MYOM1: variants seen among roughly 807,000 people sequenced by gnomAD.
MYOM1 encodes the protein myomesin-1.
Under a neutral mutation model 205.3 loss-of-function variants are expected in MYOM1, and 164 were observed. The ratio of observed to expected loss-of-function variants is 0.80; its 90% CI spans 0.70 to 0.91. The LOEUF is 0.91. MYOM1 is among the 40% of genes least tolerant of loss of function. MYOM1 has a pLI of 0.00. For synonymous variants in MYOM1, 772 were observed against 789.4 expected (o/e 0.98, Z 0.37); for missense variants, 2,011 against 2,127.3 (o/e 0.95, Z 1.08).
chr18:3,168,359 A>G (rs1176628830), intron 9 of MYOM1, among the ~76,000 whole-genome samples: 2 of 151,762 alleles, frequency 1.3e-5, no homozygotes, highest in Non-Finnish European at 2.9e-5. Context: ...CGCCATCTCC[A>G]CTCACTGCAA....
At chr18:3,184,729 G>A (rs532796141) in intron 5 of MYOM1, among the ~76,000 whole-genome samples, 66 of 152,314 alleles carry the variant, frequency 4.3e-4, no homozygotes, top group African/African-American at 1.5e-3. Flanking sequence ...TCTGTCCCTC[G>A]TGGGAGAATG....
At chr18:3,246,751 G>C in the MYOM1 span, 1 of 152,356 alleles carries the variant, frequency 6.6e-6, no homozygotes, top group African/African-American at 2.4e-5. Context: ...GGCCACGGGA[G>C]CCACACTGGT....
chr18:3,215,178 T>C lies in MYOM1; in HGVS notation c.46A>G (p.Ser16Gly). 3 of 1,613,366 alleles carry C rather than the reference T, an allele frequency of 1.9e-6. No individual in the cohort carries two copies. Among genetic ancestry groups the C allele is most frequent in the Non-Finnish European group, 1.7e-6 (2 of 1,179,674 alleles). Residue 16 changes from serine to glycine, a missense_variant, in exon 2 of 38, where the codon AGC becomes GGC. Coordinates refer to ENST00000356443, the MANE Select transcript of MYOM1 (RefSeq NM_003803.4). ...CTGCGCACGTCCTTGTTGCGGTAGC[T>C]GAGATCATAGTGCTGGTGGCACCTC... ...YQRCHQHYDL[S>G]YRNKDVRSTV...
intron 14 of MYOM1, among the ~76,000 whole-genome samples, chr18:3,138,939 C>T (rs907541059): frequency 8.5e-5 from 13 of 152,122 alleles, no homozygotes; most frequent in Non-Finnish European, 1.5e-4. Context: ...TCTGTGACCT[C>T]GGGCAAATTA....
At chr18:3,094,642 G>T (rs79511320) in intron 25 of MYOM1, among the ~76,000 whole-genome samples, 2,106 of 151,782 alleles carry the variant, frequency 0.014, 35 homozygotes, top group African/African-American at 0.048. Context: ...TGTGGCTTTT[G>T]GTTGGTGTTT....
chr18:3,135,836 A>AT lies in MYOM1; in HGVS notation c.2026-107dup. Reference sequence around the variant, plus strand: ...CATCTGCAACAAACCACTCCCTGTAATGCAAGCTGGACTGGAGGAGAGATG... The same window carrying AT: ...CATCTGCAACAAACCACTCCCTGTAATTGCAAGCTGGACTGGAGGAGAGATG... On this transcript the variant is annotated intron_variant, in intron 14 of 37. Coordinates refer to ENST00000356443, the MANE Select transcript of MYOM1 (RefSeq NM_003803.4). The surrounding 1 kb of genome is among the most constrained non-coding windows in gnomAD (Gnocchi z 4.1). 8.2e-7 allele frequency: 1 copy of AT among 1,223,206 alleles called. No homozygotes were observed. The allele number at this position is 1,223,206 out of a possible 1,614,324, so 75.8% of individuals were successfully genotyped here.
intron 33 of MYOM1, among the ~76,000 whole-genome samples, chr18:3,082,614 AT>A (rs1439878791): frequency 4.6e-4 from 70 of 152,318 alleles, no homozygotes; most frequent in African/African-American, 1.7e-3. Flanking sequence ...GAACATTTGC[AT>A]CCTGAAGTTG....
rs536867233 is a variant in MYOM1 at position 3,162,821 on chromosome 18, C to T, written c.1501+1457G>A. Among the ~76,000 whole-genome samples, 561 of 152,156 alleles carry T rather than the reference C, an allele frequency of 3.7e-3. 2 individuals are homozygous for T. Among genetic ancestry groups the T allele is most frequent in the African/African-American group, 0.012 (487 of 41,510 alleles). On this transcript the variant is annotated intron_variant, in intron 10 of 37. Transcript: ENST00000356443. The stretch of plus-strand genomic sequence containing the variant: ...CCGGTGGATCACGAGGTCAGGAGAT[C>T]GAGACCATCCTGGCTAACACGGTGA...
intron 17 of MYOM1, 113 bp from the exon 18 acceptor site, chr18:3,129,632 T>A (rs2079847727): frequency 8.5e-7 from 1 of 1,173,234 alleles, no homozygotes; most frequent in Admixed American, 2.9e-5. Flanking sequence ...ACAAAAACAG[T>A]CTTGGCTTAA....
At chr18:3,079,697 T>C (rs2079062627) in intron 33 of MYOM1, among the ~76,000 whole-genome samples, 1 of 152,210 alleles carries the variant, frequency 6.6e-6, no homozygotes, top group South Asian at 2.1e-4. Flanking sequence ...CCAAACTACA[T>C]ACTATTTTAC....
At chr18:3,119,381 GA>G (rs1314021225) in intron 20 of MYOM1, among the ~76,000 whole-genome samples, 5 of 152,172 alleles carry the variant, frequency 3.3e-5, no homozygotes, top group African/African-American at 1.2e-4. Context: ...GAGAGCCTAA[GA>G]AGCCACATAG....
chr18:3,214,045 G>A (rs1019444880), intron 2 of MYOM1, among the ~76,000 whole-genome samples: 7 of 152,168 alleles, frequency 4.6e-5, no homozygotes, highest in Non-Finnish European at 7.3e-5. Context: ...TCGGAATACA[G>A]GTTGGTTCCT....
intron 2 of MYOM1, among the ~76,000 whole-genome samples, chr18:3,212,865 A>C (rs1050467823): frequency 1.3e-5 from 2 of 152,242 alleles, no homozygotes; most frequent in African/African-American, 2.4e-5. Flanking sequence ...GCAAGTGCTA[A>C]AAGAAATGAA....
intron 5 of MYOM1, among the ~76,000 whole-genome samples, chr18:3,181,790 A>G (rs1015230687): frequency 1.4e-5 from 2 of 139,122 alleles, no homozygotes; most frequent in Non-Finnish European, 3.0e-5. Flanking sequence ...GCTGTAGCGC[A>G]GTGGTGCGAT....
chr18:3,149,157 C>T lies in MYOM1; in HGVS notation c.1888G>A (p.Glu630Lys). 2 of 1,613,906 alleles carry T rather than the reference C, an allele frequency of 1.2e-6. No individual in the cohort carries two copies. The highest frequency in any genetic ancestry group is 2.2e-5 in the East Asian group (1 of 44,880). ...CCAGACTTCTTACCTGAAGGTTCCT[C>T]TTCAGTAACAATGATCTGTCCAGTC... Reference protein sequence around the residue: ...PWTGQIIVTEEEPSEGIVPGP... With the variant: ...PWTGQIIVTEKEPSEGIVPGP... Residue 630 changes from glutamate (E) to lysine (K), a missense_variant, in exon 13 of 38, where the codon GAG (glutamate) becomes AAG (lysine). Physicochemically the swap from Glu to Lys is moderately conservative, Grantham distance 56 (BLOSUM62 1). Coordinates refer to ENST00000356443, the MANE Select transcript of MYOM1 (RefSeq NM_003803.4).
At chr18:3,246,301 G>A in the MYOM1 span, 101,013 of 152,110 alleles carry the variant, frequency 0.66, 36,163 homozygotes, top group Non-Finnish European at 0.81. Context: ...GTCGCTGCCA[G>A]CCCTCTCGCT....
Position 3,116,468 on chromosome 18 carries a change from C to T in MYOM1, c.3166G>A (p.Val1056Ile). ...KCSEVRKDSL[V>I]LQWKPPVHSG... ...TGGACTGGCGGCTTCCACTGGAGAA[C>T]CAGTGAGTCTTTCCTGACTTCACTA... Residue 1056 changes from valine (V) to isoleucine (I), a missense_variant, in exon 21 of 38, where the codon GTT becomes ATT. Val to Ile is a conservative substitution (Grantham distance 29). Transcript: ENST00000356443. The T allele has an allele frequency of 6.2e-7, 1 of 1,609,842 alleles. No homozygotes were observed. Among genetic ancestry groups the T allele is most frequent in the Non-Finnish European group, 8.5e-7 (1 of 1,177,538 alleles).
chr18:3,176,149 A>G lies in MYOM1; in HGVS notation c.930-15T>C. 1 of 1,488,708 alleles carries G rather than the reference A, an allele frequency of 6.7e-7. No homozygotes were observed. Among genetic ancestry groups the G allele is most frequent in the Non-Finnish European group, 9.4e-7 (1 of 1,067,660 alleles). 92.2% of individuals were successfully genotyped at this position (1,488,708 alleles called of 1,614,324 possible). Reference sequence around the variant, plus strand: ...GGTTTTTATACCTATAACAGAATGGAAACAAAATGAAGTAAGTTGAAGTGT... The same window carrying G: ...GGTTTTTATACCTATAACAGAATGGGAACAAAATGAAGTAAGTTGAAGTGT... On this transcript the variant is annotated splice_polypyrimidine_tract_variant and intron_variant, in intron 5 of 37. Transcript: ENST00000356443.
intron 20 of MYOM1, among the ~76,000 whole-genome samples, chr18:3,118,527 C>T (rs1021100738): frequency 6.6e-6 from 1 of 151,940 alleles, no homozygotes; most frequent in Admixed American, 6.6e-5. Context: ...AGAGATGAGG[C>T]CTCACCACGT....
Sources: allele counts gnomAD v4.1 joint callset (sites outside exome capture counted in the v4.1 genomes callset), GRCh38; gene constraint gnomAD v4.1.1; non-coding constraint Gnocchi (gnomAD v3.1); transcripts MANE v1.5; gene names NCBI Gene and HGNC (gene_info 2026-07-23, HGNC 2026-07-21).